The following SYNE2 variants were observed in gnomAD, a reference collection of about 807,000 sequenced individuals.
SYNE2 encodes the protein spectrin repeat containing nuclear envelope protein 2.
In SYNE2, 431 loss-of-function variants were observed where a neutral mutation model predicts 856.3. The observed-to-expected ratio is 0.50, with a 90% CI of 0.47 to 0.55. The LOEUF is 0.55. Among genes scored for constraint, SYNE2 ranks in the 20% least tolerant of loss-of-function variants. SYNE2 has a pLI of 0.00. For synonymous variants in SYNE2, 2,923 were observed against 2,872.3 expected, an observed-to-expected ratio of 1.02 and a Z score of -0.56; for missense variants, 8,129 against 8,023.2, an observed-to-expected ratio of 1.01 and a Z score of -0.50.
At chr14:64,022,681 A>C (rs2096944550) in intron 37 of SYNE2, 70 bp from the exon 38 acceptor site, 8 of 860,616 alleles carry the variant, frequency 9.3e-6, no homozygotes, top group Non-Finnish European at 1.6e-5. Flanking sequence ...ACAAGTTTCA[A>C]AATCTCTCAC....
intron 1 of SYNE2, among the ~76,000 whole-genome samples, chr14:63,785,174 C>T (rs531807981): frequency 6.6e-6 from 1 of 152,160 alleles, no homozygotes; most frequent in South Asian, 2.1e-4. Context: ...AATTGGCACA[C>T]TTCAGGCCAG....
At chr14:64,030,587 C>A (rs2097025777) in intron 44 of SYNE2, among the ~76,000 whole-genome samples, 1 of 152,176 alleles carries the variant, frequency 6.6e-6, no homozygotes. Context: ...AGGTGAATTT[C>A]TCATCAACAC....
At chr14:63,976,439 T>C (rs963038031) in intron 11 of SYNE2, 124 bp from the exon 12 acceptor site, 1 of 970,176 alleles carries the variant, frequency 1.0e-6, no homozygotes, top group African/African-American at 1.7e-5. Flanking sequence ...TCCATGATAA[T>C]TGATCACATT....
Position 64,170,498 on chromosome 14 carries a change from G to A in SYNE2, c.17235+36G>A. ...CATCGTAGCAGTGTGAGAACCACAG[G>A]GTGGTCATTGTTTGCAAGATGTTCA... is the stretch of plus-strand genomic sequence containing the variant. On this transcript the variant is annotated intron_variant, in intron 94 of 115. Coordinates refer to ENST00000555002, the MANE Select transcript of SYNE2 (RefSeq NM_182914.3). The A allele has an allele frequency of 2.6e-6, 4 of 1,561,230 alleles. No homozygotes were observed. In the South Asian group the frequency reaches 3.5e-5, roughly 14 times the overall value.
chr14:63,861,149 T>G (rs1387387607), intron 1 of SYNE2, among the ~76,000 whole-genome samples: 1 of 145,100 alleles, frequency 6.9e-6, no homozygotes, highest in Non-Finnish European at 1.5e-5. Flanking sequence ...ACATTGTTTT[T>G]TTTTTTTTTT....
intron 1 of SYNE2, among the ~76,000 whole-genome samples, chr14:63,867,417 G>C (rs1895678780): frequency 6.6e-6 from 1 of 151,474 alleles, no homozygotes; most frequent in African/African-American, 2.4e-5. Context: ...GAGAGAAAGG[G>C]CCAGGTGTGG....
chr14:63,998,127 T>C, intron 25 of SYNE2, 92 bp from the exon 26 acceptor site: 1 of 933,838 alleles, frequency 1.1e-6, no homozygotes, highest in Non-Finnish European at 1.8e-6. Flanking sequence ...GTATAAAGAA[T>C]CAATGATACA....
chr14:63,931,181 AAG>A (rs2095749156), intron 2 of SYNE2, among the ~76,000 whole-genome samples: 1 of 152,224 alleles, frequency 6.6e-6, no homozygotes, highest in African/African-American at 2.4e-5. Flanking sequence ...AATACAGAAA[AAG>A]AGTGCTTTTC....
chr14:64,218,752 G>A (rs2098678584), intron 109 of SYNE2, among the ~76,000 whole-genome samples: 2 of 152,214 alleles, frequency 1.3e-5, no homozygotes, highest in African/African-American at 2.4e-5. Flanking sequence ...TCCTGAGGAA[G>A]TGCAGGTTTT....
In SYNE2 at chr14:64,073,352, G is replaced by C. The variant is rs916909034; in HGVS notation, c.10698-616G>C. On this transcript the variant is annotated intron_variant, in intron 52 of 115. Transcript: ENST00000555002. ...ACTCAGGAAATTACAAAGGGCTTAGGAGCTCTGTGTCAGGAACTGGTCAAA... is the reference window on the plus strand; with the variant it reads ...ACTCAGGAAATTACAAAGGGCTTAGCAGCTCTGTGTCAGGAACTGGTCAAA... Among the ~76,000 whole-genome samples the C allele has an allele frequency of 5.3e-5, 8 of 152,092 alleles. 1 individual carries two copies. The highest frequency in any genetic ancestry group is 5.2e-4 in the Admixed American group (8 of 15,266).
chr14:63,872,129 G>C (rs982342910), intron 1 of SYNE2, among the ~76,000 whole-genome samples: 5 of 152,074 alleles, frequency 3.3e-5, no homozygotes, highest in African/African-American at 1.2e-4. Flanking sequence ...ATCCCTGGGA[G>C]ATACTTTAAG....
intron 45 of SYNE2, 142 bp downstream of exon 45, chr14:64,031,499 A>C (rs2097034506): frequency 2.6e-6 from 2 of 769,686 alleles, no homozygotes; most frequent in East Asian, 5.4e-5. Context: ...GCCTACTTGT[A>C]AAAAGAGCTC....
rs1360680288 is a variant in SYNE2 at position 64,196,543 on chromosome 14, C to T, written c.18039-6258C>T. Among the ~76,000 whole-genome samples the T allele has an allele frequency of 2.6e-5, 4 of 152,132 alleles. No individual in the cohort carries two copies. In the East Asian group the frequency reaches 7.7e-4, roughly 29 times the overall value. On this transcript the variant is annotated intron_variant, in intron 99 of 115. Transcript: ENST00000555002. Reference sequence around the variant, plus strand: ...ACCAAAAGGGCAGAGCAGAAAACCCCCACAGGGATATTTCTTCTTTAAGAG... The same window carrying T: ...ACCAAAAGGGCAGAGCAGAAAACCCTCACAGGGATATTTCTTCTTTAAGAG...
At chr14:63,878,531 T>G (rs906161785) in intron 1 of SYNE2, among the ~76,000 whole-genome samples, 7 of 150,724 alleles carry the variant, frequency 4.6e-5, no homozygotes, top group African/African-American at 1.7e-4. Flanking sequence ...CCCTTTTATT[T>G]TTTTCTTTAT....
intron 64 of SYNE2, among the ~76,000 whole-genome samples, chr14:64,104,146 T>C (rs1337702969): frequency 6.6e-6 from 1 of 152,226 alleles, no homozygotes; most frequent in Non-Finnish European, 1.5e-5. Context: ...CTTGGTGTTC[T>C]ACTCCCTCGG....
At chr14:64,191,567 C>T (rs779981377) in intron 99 of SYNE2, among the ~76,000 whole-genome samples, 6 of 152,154 alleles carry the variant, frequency 3.9e-5, no homozygotes, top group Non-Finnish European at 7.3e-5. Flanking sequence ...CCACTGGCCC[C>T]AAGCATAGGA....
intron 1 of SYNE2, among the ~76,000 whole-genome samples, chr14:63,833,145 G>C (rs1357722665): frequency 6.6e-6 from 1 of 152,076 alleles, no homozygotes; most frequent in East Asian, 1.9e-4. Flanking sequence ...GGATTTCAAG[G>C]CTGCAGTGCA....
chr14:63,806,392 T>C (rs557769755), intron 1 of SYNE2, among the ~76,000 whole-genome samples: 1 of 152,298 alleles, frequency 6.6e-6, no homozygotes, highest in South Asian at 2.1e-4. Flanking sequence ...TAGTATTTTG[T>C]TGAGGATTTT....
chr14:64,180,212 CAA>C (rs1347584188), intron 96 of SYNE2, among the ~76,000 whole-genome samples: 1 of 152,210 alleles, frequency 6.6e-6, no homozygotes, highest in Non-Finnish European at 1.5e-5. Flanking sequence ...GCTTTAATAT[CAA>C]ACTGTCTTGA....
Sources: gnomAD v4.1 joint callset for allele counts (sites outside exome capture counted in the v4.1 genomes callset) on GRCh38, gnomAD v4.1.1 for gene constraint, MANE v1.5 for transcripts, NCBI Gene and HGNC (gene_info 2026-07-23, HGNC 2026-07-21) for gene names.